Variants in PLAAT5 observed in about 807,000 individuals in gnomAD.
PLAAT5 encodes phospholipase A and acyltransferase 5, also known as Ca(2+)-independent N-acyltransferase.
A neutral mutation model predicts 27.8 loss-of-function variants in PLAAT5; 27 were observed. The observed-to-expected ratio is 0.97, with a 90% CI of 0.72 to 1.34. The LOEUF (loss-of-function observed/expected upper bound fraction) is 1.34, where lower values mean the gene tolerates loss of function less well. Ranked by LOEUF, PLAAT5 falls within the 40% of genes most tolerant of loss-of-function variation. The probability of loss-of-function intolerance (pLI) is 0.00; values close to 1 mark genes in which losing one functional copy is unlikely to be tolerated. For missense variants in PLAAT5, 368 were observed against 343.8 expected, an observed-to-expected ratio of 1.07 and a Z score of -0.56; for synonymous variants, 125 against 136.1, an observed-to-expected ratio of 0.92 and a Z score of 0.57.
At chr11:63,487,491 A>C (rs2016463583) in intron 3 of PLAAT5, among the ~76,000 whole-genome samples, 1 of 152,176 alleles carries the variant, frequency 6.6e-6, no homozygotes, top group African/African-American at 2.4e-5. Context: ...TGATACAACC[A>C]CTGTGGAAAA....
Position 63,463,558 on chromosome 11 carries a change from C to A in PLAAT5, c.755G>T (p.Gly252Val). 6.2e-7 allele frequency: 1 copy of A among 1,613,912 alleles called. No individual in the cohort carries two copies. Among genetic ancestry groups the A allele is most frequent in the Non-Finnish European group, 8.5e-7 (1 of 1,180,034 alleles). ...HALMEGAKAA[G>V]AVISAVVDSI... ...ATCCACTACAGCTGAAATAACTGCT[C>A]CAGCAGCCTTCGCTCCTTCCATCAG... The change falls in exon 6 of 6, where the codon GGA becomes GTA. Residue 252 changes from glycine to valine, a missense_variant. By Grantham distance (109) the Gly-to-Val change is moderately radical. Coordinates refer to ENST00000540857, the MANE Select transcript of PLAAT5 (RefSeq NM_001146729.2).
rs568914453 is a variant in PLAAT5 at position 63,490,514 on chromosome 11, A to G, written c.149-181T>C. 6.2e-5 allele frequency: 57 copies of G among 915,210 alleles called. No individual in the cohort carries two copies. In the African/African-American group the frequency reaches 8.1e-4, roughly 13 times the overall value. 56.7% of individuals were successfully genotyped at this position (915,210 alleles called of 1,614,324 possible). ...TGGAACTAGGTGCTGGAGCGGGTTC[A>G]GTTCCTCTGCCAAAGAGAGACTTTG... On this transcript the variant is annotated intron_variant, in intron 1 of 5. Transcript: ENST00000540857.
intron 3 of PLAAT5, among the ~76,000 whole-genome samples, chr11:63,483,801 GTATATATATATATATA>G (rs71039646): frequency 0.018 from 422 of 24,114 alleles, 4 homozygotes; most frequent in African/African-American, 0.053. Context: ...ATATATATAT[GTATATATATATATATA>G]TATATATATA....
At chr11:63,490,176 T>C (rs1003557350) in intron 2 of PLAAT5, 67 bp downstream of exon 2, 11 of 1,608,202 alleles carry the variant, frequency 6.8e-6, no homozygotes, top group Non-Finnish European at 8.5e-6. Context: ...TTTACAGAAC[T>C]GCATTCCAAG....
At chr11:63,486,706 T>C (rs1013544693) in intron 3 of PLAAT5, among the ~76,000 whole-genome samples, 4 of 152,120 alleles carry the variant, frequency 2.6e-5, no homozygotes, top group African/African-American at 9.7e-5. Flanking sequence ...ACATTGAGTA[T>C]AGTGTACACT....
At chr11:63,488,832 G>A (rs770160748) in intron 3 of PLAAT5, 39 bp downstream of exon 3, 1 of 1,414,020 alleles carries the variant, frequency 7.1e-7, no homozygotes. Flanking sequence ...TTGCCAGGAG[G>A]TTAAAGATAG....
intron 3 of PLAAT5, among the ~76,000 whole-genome samples, chr11:63,480,546 T>A (rs1412943892): frequency 6.6e-6 from 1 of 152,186 alleles, no homozygotes; most frequent in Non-Finnish European, 1.5e-5. Flanking sequence ...CTTGTTAAAT[T>A]TCCTCCCACT....
At position 63,463,386 on chromosome 11, in the gene PLAAT5, T is replaced by C; in HGVS notation, c.*117A>G. On this transcript the variant is annotated 3_prime_UTR_variant, in exon 6 of 6. Coordinates refer to ENST00000540857, the MANE Select transcript of PLAAT5 (RefSeq NM_001146729.2). ...GAAGGGTAATTGGATACATTGTAGA[T>C]TCTTCCAGAAGTTCACAATTTTCTT... is the stretch of plus-strand genomic sequence containing the variant. 2.6e-6 allele frequency: 2 copies of C among 769,442 alleles called. No homozygotes were observed. Among genetic ancestry groups the C allele is most frequent in the Non-Finnish European group, 4.6e-6 (2 of 438,340 alleles). 47.7% of individuals were successfully genotyped at this position (769,442 alleles called of 1,614,324 possible). A position where few individuals can be genotyped will look rare whatever the true frequency, so the allele number is the denominator to read the frequency against.
intron 3 of PLAAT5, among the ~76,000 whole-genome samples, chr11:63,475,768 C>G (rs911314947): frequency 6.6e-6 from 1 of 151,952 alleles, no homozygotes; most frequent in Non-Finnish European, 1.5e-5. Context: ...TTTTTAATAA[C>G]ATTTTTAATA....
chr11:63,480,851 T>C (rs976538751), intron 3 of PLAAT5, among the ~76,000 whole-genome samples: 1 of 152,192 alleles, frequency 6.6e-6, no homozygotes, highest in Non-Finnish European at 1.5e-5. Flanking sequence ...CCAATCCCAG[T>C]TGATGCTGGT....
At chr11:63,489,088 G>A in intron 2 of PLAAT5, 112 bp from the exon 3 acceptor site, 1 of 667,460 alleles carries the variant, frequency 1.5e-6, no homozygotes, top group East Asian at 2.9e-5. Context: ...GGAGACTGTA[G>A]GGAACATTTC....
chr11:63,462,550 G>A lies in PLAAT5; in HGVS notation c.*953C>T, dbSNP rs570022009. On this transcript the variant is annotated 3_prime_UTR_variant, in exon 6 of 6. Transcript: ENST00000540857. ...ACAGACCTTATCTGAAACACTCTGA[G>A]GGTTCCATCTTGCTCTTTTCCACAT... is the stretch of plus-strand genomic sequence containing the variant. 2 of 152,258 alleles carry A rather than the reference G, an allele frequency of 1.3e-5. No homozygotes were observed. Among genetic ancestry groups the A allele is most frequent in the African/African-American group, 4.8e-5 (2 of 41,538 alleles). 9.4% of individuals were successfully genotyped at this position (152,258 alleles called of 1,614,324 possible).
rs558520931 is a variant in PLAAT5, at chr11:63,477,589, C to A, written c.346-9124G>T. ...CTTCCAGGTTCAAACGATTCTCCTG[C>A]CTCAGCCTCCTGAGTAGCTGAGATT... On this transcript the variant is annotated intron_variant, in intron 3 of 5. Coordinates refer to ENST00000540857, the MANE Select transcript of PLAAT5 (RefSeq NM_001146729.2). 7.9e-5 allele frequency among the ~76,000 whole-genome samples: 12 copies of A among 152,288 alleles called. 1 individual carries two copies. In the South Asian group the frequency reaches 1.5e-3, roughly 18 times the overall value.
At chr11:63,466,422 C>T (rs753235985) in intron 4 of PLAAT5, 50 bp from the exon 5 acceptor site, 1 of 1,583,016 alleles carries the variant, frequency 6.3e-7, no homozygotes, top group South Asian at 1.2e-5. Context: ...AGTAGCAAAG[C>T]AGAGCACAGT....
intron 4 of PLAAT5, 38 bp downstream of exon 4, chr11:63,468,319 C>T (rs1350613299): frequency 1.4e-6 from 2 of 1,448,958 alleles, no homozygotes; most frequent in Non-Finnish European, 1.9e-6. Context: ...ACTTTGCTAA[C>T]TTCAATATCA....
intron 3 of PLAAT5, among the ~76,000 whole-genome samples, chr11:63,478,355 CTG>C (rs2120287613): frequency 6.6e-6 from 1 of 151,428 alleles, no homozygotes; most frequent in East Asian, 1.9e-4. Context: ...GAGTCTTGCT[CTG>C]TTACCCAGGC....
intron 3 of PLAAT5, among the ~76,000 whole-genome samples, chr11:63,479,375 AG>A (rs1468070377): frequency 5.3e-5 from 8 of 152,252 alleles, no homozygotes; most frequent in African/African-American, 1.9e-4. Context: ...TAAATGGCAA[AG>A]GATCAGAGAA....
At chr11:63,487,144 C>T (rs1252913838) in intron 3 of PLAAT5, among the ~76,000 whole-genome samples, 1 of 152,112 alleles carries the variant, frequency 6.6e-6, no homozygotes, top group African/African-American at 2.4e-5. Context: ...ATTTAAGAAC[C>T]TGTTCTGAAG....
chr11:63,476,285 C>G (rs1490163279), intron 3 of PLAAT5, among the ~76,000 whole-genome samples: 1 of 152,086 alleles, frequency 6.6e-6, no homozygotes, highest in African/African-American at 2.4e-5. Flanking sequence ...TTAGATTCTT[C>G]TGTATAATTA....
Sources: allele counts gnomAD v4.1 joint callset (sites outside exome capture counted in the v4.1 genomes callset), GRCh38; gene constraint gnomAD v4.1.1; transcripts MANE v1.5; gene names NCBI Gene and HGNC (gene_info 2026-07-23, HGNC 2026-07-21).